LTBP1: variants seen among roughly 807,000 people sequenced by gnomAD.
LTBP1 encodes the protein latent transforming growth factor beta binding protein 1.
In LTBP1, 129 loss-of-function variants were observed where a neutral mutation model predicts 207.6. That is an observed-to-expected ratio of 0.62 (90% CI 0.54 to 0.72). The LOEUF (loss-of-function observed/expected upper bound fraction) is 0.72. Among genes scored for constraint, LTBP1 ranks in the 30% least tolerant of loss-of-function variants. The pLI is 0.00. For synonymous variants in LTBP1, 963 were observed against 833.7 expected (o/e 1.16, Z -2.67); for missense variants, 2,281 against 2,217.2 (o/e 1.03, Z -0.58).
At chr2:32,977,652 C>A (rs1165265183) in intron 2 of LTBP1, among the ~76,000 whole-genome samples, 2 of 152,216 alleles carry the variant, frequency 1.3e-5, no homozygotes, top group Non-Finnish European at 1.5e-5. Flanking sequence ...TAGAAGGATT[C>A]TCCCATTCCC....
chr2:33,374,492 A>T (rs1327506560), intron 31 of LTBP1, among the ~76,000 whole-genome samples: 1 of 152,218 alleles, frequency 6.6e-6, no homozygotes. Flanking sequence ...TTAAAATCAA[A>T]CTAGAAAGAT....
chr2:33,283,322 A>G (rs1210703740), intron 19 of LTBP1, among the ~76,000 whole-genome samples: 1 of 151,842 alleles, frequency 6.6e-6, no homozygotes, highest in Non-Finnish European at 1.5e-5. Flanking sequence ...TTTTGTCTCT[A>G]ACTGTTACCT....
chr2:33,064,115 A>G (rs1213624155), intron 3 of LTBP1, among the ~76,000 whole-genome samples: 1 of 152,220 alleles, frequency 6.6e-6, no homozygotes, highest in Admixed American at 6.5e-5. Flanking sequence ...GGCCTCCCAA[A>G]GTGCTAGGAT....
chr2:33,278,916 A>G (rs543512538), intron 18 of LTBP1, among the ~76,000 whole-genome samples: 1 of 152,228 alleles, frequency 6.6e-6, no homozygotes, highest in Admixed American at 6.5e-5. Flanking sequence ...TGTTAATATC[A>G]TCTTTAACTT....
rs537707746 is a variant in LTBP1 at position 33,252,658 on chromosome 2, C to T, written c.2000-19C>T. On this transcript the variant is annotated intron_variant, in intron 10 of 33. Coordinates refer to ENST00000404816, the MANE Select transcript of LTBP1 (RefSeq NM_206943.4). ...TTTTGGTTTCTCATGTAATGTCGGG[C>T]TTTATCTCTCTGCTTCAGCTGATCC... 1.9e-6 allele frequency: 3 copies of T among 1,596,484 alleles called. No individual in the cohort carries two copies. The highest frequency in any genetic ancestry group is 3.4e-5 in the Admixed American group (2 of 59,072).
Position 33,399,262 on chromosome 2 carries a change from T to G in LTBP1, c.*717T>G, listed in dbSNP as rs2095385376. On this transcript the variant is annotated 3_prime_UTR_variant, in exon 34 of 34. Coordinates refer to ENST00000404816, the MANE Select transcript of LTBP1 (RefSeq NM_206943.4). Reference sequence around the variant, plus strand: ...AGAGTTTATAAGCTTACGTTAGTATTGTAATATGTAAAGTAAGCCCAACAA... The same window carrying G: ...AGAGTTTATAAGCTTACGTTAGTATGGTAATATGTAAAGTAAGCCCAACAA... 6.6e-6 allele frequency: 1 copy of G among 152,252 alleles called. No homozygotes were observed. Among genetic ancestry groups the G allele is most frequent in the Non-Finnish European group, 1.5e-5 (1 of 68,036 alleles). The allele number at this position is 152,252 out of a possible 1,614,324, so 9.4% of individuals were successfully genotyped here. A position where few individuals can be genotyped will look rare whatever the true frequency, so the allele number is the denominator to read the frequency against.
chr2:33,348,947 GAGTCTTAAGACTGTCTTATGAC>G (rs2094741566), intron 26 of LTBP1, among the ~76,000 whole-genome samples: 1 of 152,088 alleles, frequency 6.6e-6, no homozygotes, highest in Non-Finnish European at 1.5e-5. Flanking sequence ...TGATTATATG[GAGTCTTAAGACTGTCTTATGAC>G]AGTCTTCATT....
intron 2 of LTBP1, among the ~76,000 whole-genome samples, chr2:32,995,890 G>A (rs1011956230): frequency 1.3e-5 from 2 of 152,288 alleles, no homozygotes; most frequent in East Asian, 1.9e-4. Flanking sequence ...TCTAAAGGAG[G>A]TATCATTTTC....
intron 8 of LTBP1, among the ~76,000 whole-genome samples, chr2:33,218,250 C>A (rs1264407827): frequency 6.6e-6 from 1 of 152,072 alleles, no homozygotes; most frequent in African/African-American, 2.4e-5. Flanking sequence ...TATTAACACC[C>A]CCAGGCTTTG....
At chr2:33,061,127 G>T (rs2077250648) in intron 3 of LTBP1, among the ~76,000 whole-genome samples, 1 of 152,062 alleles carries the variant, frequency 6.6e-6, no homozygotes, top group Non-Finnish European at 1.5e-5. Flanking sequence ...ATTTAGGAAA[G>T]ACTTCTTTTT....
chr2:33,323,719 A>G (rs1300040711), intron 24 of LTBP1, among the ~76,000 whole-genome samples: 1 of 152,218 alleles, frequency 6.6e-6, no homozygotes, highest in African/African-American at 2.4e-5. Context: ...GCATTTGGCA[A>G]ATGAATCAAG....
chr2:33,272,416 C>T (rs892820040), intron 15 of LTBP1, among the ~76,000 whole-genome samples: 1 of 152,200 alleles, frequency 6.6e-6, no homozygotes. Context: ...TCATACCAGC[C>T]TCTCTTTTGA....
At chr2:33,288,313 C>G (rs927839021) in intron 19 of LTBP1, among the ~76,000 whole-genome samples, 33 of 152,178 alleles carry the variant, frequency 2.2e-4, no homozygotes, top group African/African-American at 8.0e-4. Flanking sequence ...ACTGAATACC[C>G]TCTGTACATG....
At chr2:32,977,309 A>G (rs191704160) in intron 2 of LTBP1, among the ~76,000 whole-genome samples, 99 of 152,280 alleles carry the variant, frequency 6.5e-4, no homozygotes, top group African/African-American at 1.9e-3. Flanking sequence ...CTATGAGCCG[A>G]CTGGGAGAGT....
At chr2:33,395,149 T>G (rs2150739115) in intron 32 of LTBP1, among the ~76,000 whole-genome samples, 1 of 152,324 alleles carries the variant, frequency 6.6e-6, no homozygotes, top group East Asian at 1.9e-4. Context: ...AGTGCAGACA[T>G]TGTGTTCAAT....
chr2:33,155,733 G>A (rs922349640), intron 5 of LTBP1, among the ~76,000 whole-genome samples: 2 of 151,906 alleles, frequency 1.3e-5, no homozygotes, highest in African/African-American at 4.8e-5. Flanking sequence ...CTTTGCTTAT[G>A]GTGTTTTTGC....
At chr2:33,369,209 G>T (rs2095037447) in intron 31 of LTBP1, among the ~76,000 whole-genome samples, 1 of 151,648 alleles carries the variant, frequency 6.6e-6, no homozygotes, top group Admixed American at 6.6e-5. Context: ...AAAAAAAAAA[G>T]ATTAGCTTCA....
intron 15 of LTBP1, among the ~76,000 whole-genome samples, chr2:33,265,146 C>G (rs951333176): frequency 6.6e-6 from 1 of 152,194 alleles, no homozygotes; most frequent in Non-Finnish European, 1.5e-5. Flanking sequence ...CACAGTCTAA[C>G]AATTCAAAGG....
intron 3 of LTBP1, among the ~76,000 whole-genome samples, chr2:33,105,137 G>A (rs1371479754): frequency 6.6e-6 from 1 of 152,010 alleles, no homozygotes; most frequent in Non-Finnish European, 1.5e-5. Context: ...CTGTCCACCA[G>A]CCTTCCTCCC....
Sources: gnomAD v4.1 joint callset for allele counts (sites outside exome capture counted in the v4.1 genomes callset) on GRCh38, gnomAD v4.1.1 for gene constraint, MANE v1.5 for transcripts, NCBI Gene and HGNC (gene_info 2026-07-23, HGNC 2026-07-21) for gene names.